Variants in ASB13 observed in about 807,000 individuals in gnomAD.
ASB13 encodes the protein ankyrin repeat and SOCS box protein 13.
Under a neutral mutation model 28.8 loss-of-function variants are expected in ASB13, and 33 were observed. That is an observed-to-expected ratio of 1.15 (90% CI 0.87 to 1.53). The LOEUF (loss-of-function observed/expected upper bound fraction) is 1.53. Ranked by LOEUF, ASB13 falls within the 40% of genes most tolerant of loss-of-function variation. ASB13 has a pLI of 0.00. For missense variants in ASB13, 414 were observed against 390.1 expected, an observed-to-expected ratio of 1.06 and a Z score of -0.52; for synonymous variants, 182 against 172.9, an observed-to-expected ratio of 1.05 and a Z score of -0.41.
chr10:5,642,614 A>G lies in ASB13; in HGVS notation c.518-653T>C. 1.2e-6 allele frequency: 1 copy of G among 824,796 alleles called. No homozygotes were observed. Among genetic ancestry groups the G allele is most frequent in the Non-Finnish European group, 1.7e-6 (1 of 598,820 alleles). The allele number at this position is 824,796 out of a possible 1,614,324, so 51.1% of individuals were successfully genotyped here. A position where few individuals can be genotyped will look rare whatever the true frequency, so the allele number is the denominator to read the frequency against. ...TAAAAAAAAGAGCAGACATTCAGAA[A>G]GATGCAAGGAATTAGTAGCTAAATA... On this transcript the variant is annotated intron_variant, in intron 4 of 5. Coordinates refer to ENST00000357700, the MANE Select transcript of ASB13 (RefSeq NM_024701.4). The surrounding 1 kb of genome is among the most constrained non-coding windows in gnomAD (Gnocchi z 4.1).
chr10:5,658,909 G>A lies in ASB13; in HGVS notation c.44-5859C>T, dbSNP rs1055205468. 2.0e-4 allele frequency among the ~76,000 whole-genome samples: 30 copies of A among 152,074 alleles called. No homozygotes were observed. The highest frequency in any genetic ancestry group is 4.1e-4 in the African/African-American group (17 of 41,400). ...CCTTTCCTGACACCCCCAAACCACC[G>A]ATGGCCCTTCCAGGGGGCGAAGAGA... On this transcript the variant is annotated intron_variant, in intron 1 of 5. Coordinates refer to ENST00000357700, the MANE Select transcript of ASB13 (RefSeq NM_024701.4). The surrounding 1 kb of genome is among the most constrained non-coding windows in gnomAD (Gnocchi z 4.2).
chr10:5,656,442 G>A lies in ASB13; in HGVS notation c.44-3392C>T, dbSNP rs1444354286. On this transcript the variant is annotated intron_variant, in intron 1 of 5. Coordinates refer to ENST00000357700, the MANE Select transcript of ASB13 (RefSeq NM_024701.4). The surrounding 1 kb of genome is among the most constrained non-coding windows in gnomAD (Gnocchi z 4.3). ...TAATCCCAGCTACTCAGGAGGCGGA[G>A]GCAGCAGAATCGCTTGAACCCAGGA... Among the ~76,000 whole-genome samples, 1 of 152,128 alleles carries A rather than the reference G, an allele frequency of 6.6e-6. No homozygotes were observed. Among genetic ancestry groups the A allele is most frequent in the African/African-American group, 2.4e-5 (1 of 41,418 alleles).
chr10:5,647,162 G>C (rs1318428329), intron 4 of ASB13, among the ~76,000 whole-genome samples: 1 of 152,134 alleles, frequency 6.6e-6, no homozygotes, highest in Admixed American at 6.5e-5. Context: ...GACTTGCTAT[G>C]TTTCCCAGGC....
In ASB13 at chr10:5,651,606, C is replaced by G; in HGVS notation, c.232-243G>C. The stretch of plus-strand genomic sequence containing the variant: ...TCTCAGGGCAGGATAAGCTCAGCAG[C>G]CCCCTCGCCACCCCCGCCCCAAACA... On this transcript the variant is annotated intron_variant, in intron 2 of 5. Transcript: ENST00000357700. This position sits in a 1 kb window ranked among gnomAD's most constrained non-coding sequence, Gnocchi z 5.1. 1 of 467,332 alleles carries G rather than the reference C, an allele frequency of 2.1e-6. No homozygotes were observed. Among genetic ancestry groups the G allele is most frequent in the South Asian group, 2.6e-5 (1 of 38,172 alleles). 28.9% of individuals were successfully genotyped at this position (467,332 alleles called of 1,614,324 possible). A position where few individuals can be genotyped will look rare whatever the true frequency, so the allele number is the denominator to read the frequency against.
At position 5,664,363 on chromosome 10, in the gene ASB13, C is replaced by A. The variant is rs994920929; in HGVS notation, c.43+2146G>T. On this transcript the variant is annotated intron_variant, in intron 1 of 5. Transcript: ENST00000357700. The surrounding 1 kb of genome is among the most constrained non-coding windows in gnomAD (Gnocchi z 4.2). ...TGCTTACCTGAGGGGCCTAAGAAGA[C>A]TGTCTGGGGATAAATTAGGGATTAG... Among the ~76,000 whole-genome samples, 4 of 151,938 alleles carry A rather than the reference C, an allele frequency of 2.6e-5. No individual in the cohort carries two copies. The highest frequency in any genetic ancestry group is 4.4e-5 in the Non-Finnish European group (3 of 68,014).
In ASB13 at chr10:5,649,469, AC is replaced by A. The variant is rs71388459; in HGVS notation, c.383-366del. ...AGCACTGAGCCCAGCCTCCCAGGAAACCCCCCAGACTTTCTTATGCAGGTCA... is the reference window on the plus strand; with the variant it reads ...AGCACTGAGCCCAGCCTCCCAGGAAACCCCCAGACTTTCTTATGCAGGTCA... On this transcript the variant is annotated intron_variant, in intron 3 of 5. Transcript: ENST00000357700. This position sits in a 1 kb window ranked among gnomAD's most constrained non-coding sequence, Gnocchi z 6.4. Among the ~76,000 whole-genome samples, 1 of 145,484 alleles carries A rather than the reference AC, an allele frequency of 6.9e-6. No individual in the cohort carries two copies. Among genetic ancestry groups the A allele is most frequent in the East Asian group, 2.0e-4 (1 of 5,094 alleles).
rs1835058030 is a variant in ASB13 at position 5,655,614 on chromosome 10, G to A, written c.44-2564C>T. 1.3e-5 allele frequency among the ~76,000 whole-genome samples: 2 copies of A among 152,202 alleles called. No homozygotes were observed. Among genetic ancestry groups the A allele is most frequent in the Admixed American group, 1.3e-4 (2 of 15,280 alleles). On this transcript the variant is annotated intron_variant, in intron 1 of 5. Coordinates refer to ENST00000357700, the MANE Select transcript of ASB13 (RefSeq NM_024701.4). The surrounding 1 kb of genome is among the most constrained non-coding windows in gnomAD (Gnocchi z 6.2). ...GATTCGATCCCCACAAAATGTAAAAGTCAAGCTTGTGGAACTTTCTACTCA... is the reference window on the plus strand; with the variant it reads ...GATTCGATCCCCACAAAATGTAAAAATCAAGCTTGTGGAACTTTCTACTCA...
chr10:5,658,873 G>A lies in ASB13; in HGVS notation c.44-5823C>T, dbSNP rs1424768339. Among the ~76,000 whole-genome samples, 2 of 152,138 alleles carry A rather than the reference G, an allele frequency of 1.3e-5. No homozygotes were observed. The highest frequency in any genetic ancestry group is 2.9e-5 in the Non-Finnish European group (2 of 68,014). ...CTAGAGGACAGCAGGTGCCTGGGGT[G>A]CACCTCGTCACCTTTCCTGACACCC... On this transcript the variant is annotated intron_variant, in intron 1 of 5. Coordinates refer to ENST00000357700, the MANE Select transcript of ASB13 (RefSeq NM_024701.4). The surrounding 1 kb of genome is among the most constrained non-coding windows in gnomAD (Gnocchi z 4.2).
intron 1 of ASB13, among the ~76,000 whole-genome samples, chr10:5,665,600 GC>G (rs1835245987): frequency 6.6e-6 from 1 of 152,168 alleles, no homozygotes; most frequent in African/African-American, 2.4e-5. Flanking sequence ...AAAGTCTTGT[GC>G]TTGCCTGGAC....
In ASB13 at chr10:5,666,541, C is replaced by T. The variant is rs902756198; in HGVS notation, c.11G>A (p.Arg4Gln). 27 of 1,240,274 alleles carry T rather than the reference C, an allele frequency of 2.2e-5. No homozygotes were observed. In the African/African-American group the frequency reaches 4.1e-4, roughly 19 times the overall value. The allele number at this position is 1,240,274 out of a possible 1,614,324, so 76.8% of individuals were successfully genotyped here. A position where few individuals can be genotyped will look rare whatever the true frequency, so the allele number is the denominator to read the frequency against. MEP[R>Q]AADGCFLGDV... ...GCCCAGGAAGCAGCCGTCCGCCGCC[C>T]GGGGCTCCATGCGGCTCACCGGCGG... The change falls in exon 1 of 6, where the codon CGG becomes CAG. Residue 4 changes from arginine (R) to glutamine (Q), a missense_variant. Arg to Gln is a conservative substitution (Grantham distance 43). Transcript: ENST00000357700.
chr10:5,648,875 C>A (rs527695156), intron 4 of ASB13, 95 bp downstream of exon 4: 2 of 1,553,128 alleles, frequency 1.3e-6, no homozygotes, highest in Admixed American at 3.5e-5. Context: ...CCCACTCGGG[C>A]AAACACCCAC....
rs760848149 is a variant in ASB13, at chr10:5,663,779, G to A, written c.43+2730C>T. ...ATAGGCTTTTCTGGTGTGTCAACAGGCCCTCTTTGAATTCCTATTTTAGGA... is the reference window on the plus strand; with the variant it reads ...ATAGGCTTTTCTGGTGTGTCAACAGACCCTCTTTGAATTCCTATTTTAGGA... On this transcript the variant is annotated intron_variant, in intron 1 of 5. Coordinates refer to ENST00000357700, the MANE Select transcript of ASB13 (RefSeq NM_024701.4). This position sits in a 1 kb window ranked among gnomAD's most constrained non-coding sequence, Gnocchi z 4.9. 1.3e-5 allele frequency among the ~76,000 whole-genome samples: 2 copies of A among 152,022 alleles called. No individual in the cohort carries two copies. Among genetic ancestry groups the A allele is most frequent in the Non-Finnish European group, 2.9e-5 (2 of 68,014 alleles).
Position 5,642,255 on chromosome 10 carries a change from G to A in ASB13, c.518-294C>T, listed in dbSNP as rs756492906. On this transcript the variant is annotated intron_variant, in intron 4 of 5. Coordinates refer to ENST00000357700, the MANE Select transcript of ASB13 (RefSeq NM_024701.4). The surrounding 1 kb of genome is among the most constrained non-coding windows in gnomAD (Gnocchi z 4.1). The stretch of plus-strand genomic sequence containing the variant: ...GAAAAATGTCCTGAGTTAAACAACC[G>A]TTCTAATGCCCTATCAATCTGCCTT... Among the ~76,000 whole-genome samples the A allele has an allele frequency of 2.6e-5, 4 of 152,232 alleles. No individual in the cohort carries two copies. Among genetic ancestry groups the A allele is most frequent in the South Asian group, 2.1e-4 (1 of 4,826 alleles).
rs2386646 is a variant in ASB13 at position 5,652,649 on chromosome 10, T to C, written c.231+214A>G. Among the ~76,000 whole-genome samples the C allele has an allele frequency of 0.97, 148,380 of 152,296 alleles. 72,416 individuals carry two copies. The highest frequency in any genetic ancestry group is 1 in the East Asian group (5,172 of 5,172). Reference sequence around the variant, plus strand: ...GCCCACCACAGGGCTGGCACTCCCATCATCAATTTGCTCAGGCTGCCCTTT... The same window carrying C: ...GCCCACCACAGGGCTGGCACTCCCACCATCAATTTGCTCAGGCTGCCCTTT... On this transcript the variant is annotated intron_variant, in intron 2 of 5. Coordinates refer to ENST00000357700, the MANE Select transcript of ASB13 (RefSeq NM_024701.4). The surrounding 1 kb of genome is among the most constrained non-coding windows in gnomAD (Gnocchi z 5.0).
Position 5,656,578 on chromosome 10 carries a change from A to G in ASB13, c.44-3528T>C, listed in dbSNP as rs1835080407. Among the ~76,000 whole-genome samples the G allele has an allele frequency of 6.6e-6, 1 of 152,226 alleles. No individual in the cohort carries two copies. Among genetic ancestry groups the G allele is most frequent in the Non-Finnish European group, 1.5e-5 (1 of 68,046 alleles). ...AAGTCTGTAGCAGTGAAACAGCAAA[A>G]GAACTAACATTTTTGTTTGAGGGGC... On this transcript the variant is annotated intron_variant, in intron 1 of 5. Transcript: ENST00000357700. The surrounding 1 kb of genome is among the most constrained non-coding windows in gnomAD (Gnocchi z 4.3).
Position 5,650,393 on chromosome 10 carries a change from C to G in ASB13, c.382+820G>C, listed in dbSNP as rs1456433852. On this transcript the variant is annotated intron_variant, in intron 3 of 5. Coordinates refer to ENST00000357700, the MANE Select transcript of ASB13 (RefSeq NM_024701.4). The surrounding 1 kb of genome is among the most constrained non-coding windows in gnomAD (Gnocchi z 6.0). ...AGAGCTCCCTGGAGCTGTCCCATGG[C>G]CTGCAGACATGGAAAGACCTACGAG... Among the ~76,000 whole-genome samples, 1 of 152,222 alleles carries G rather than the reference C, an allele frequency of 6.6e-6. No individual in the cohort carries two copies.
rs1473779737 is a variant in ASB13, at chr10:5,650,927, T to G, written c.382+286A>C. 6.6e-6 allele frequency among the ~76,000 whole-genome samples: 1 copy of G among 151,796 alleles called. No homozygotes were observed. Among genetic ancestry groups the G allele is most frequent in the Non-Finnish European group, 1.5e-5 (1 of 67,956 alleles). ...AAAGCCCAAGTGAGCCTCTGCAGAG[T>G]CCCCCAGGCCCTGCTAACGTGGAGA... On this transcript the variant is annotated intron_variant, in intron 3 of 5. Transcript: ENST00000357700. The surrounding 1 kb of genome is among the most constrained non-coding windows in gnomAD (Gnocchi z 6.0).
In ASB13 at chr10:5,652,058, A is replaced by ACG. The variant is rs951608636; in HGVS notation, c.232-696_232-695insCG. Among the ~76,000 whole-genome samples, 1 of 148,942 alleles carries ACG rather than the reference A, an allele frequency of 6.7e-6. No homozygotes were observed. The highest frequency in any genetic ancestry group is 1.5e-5 in the Non-Finnish European group (1 of 67,132). ...CACACACACACACACACACACACAC[A>ACG]CACAAAACTCTAACCTCAATGGAAG... is the stretch of plus-strand genomic sequence containing the variant. On this transcript the variant is annotated intron_variant, in intron 2 of 5. Transcript: ENST00000357700. The surrounding 1 kb of genome is among the most constrained non-coding windows in gnomAD (Gnocchi z 5.0).
rs879511563 is a variant in ASB13 at position 5,663,365 on chromosome 10, A to G, written c.43+3144T>C. On this transcript the variant is annotated intron_variant, in intron 1 of 5. Coordinates refer to ENST00000357700, the MANE Select transcript of ASB13 (RefSeq NM_024701.4). The surrounding 1 kb of genome is among the most constrained non-coding windows in gnomAD (Gnocchi z 4.9). ...AAAACCACACTGGATTCGCTGCATT[A>G]TCCTTCAATGTCTCCTCCCCTGACT... Among the ~76,000 whole-genome samples the G allele has an allele frequency of 6.6e-5, 10 of 152,178 alleles. No homozygotes were observed. Among genetic ancestry groups the G allele is most frequent in the Non-Finnish European group, 8.8e-5 (6 of 68,034 alleles).
Sources: gnomAD v4.1 joint callset for allele counts (sites outside exome capture counted in the v4.1 genomes callset) on GRCh38, gnomAD v4.1.1 for gene constraint, Gnocchi (gnomAD v3.1) non-coding constraint, MANE v1.5 for transcripts, NCBI Gene and HGNC (gene_info 2026-07-23, HGNC 2026-07-21) for gene names.